The following PDE4D variants were observed in gnomAD, a reference collection of about 807,000 sequenced individuals.
PDE4D encodes the protein 3',5'-cyclic-AMP phosphodiesterase 4D.
Under a neutral mutation model 87.4 loss-of-function variants are expected in PDE4D, and 24 were observed. That is an observed-to-expected ratio of 0.27 (90% CI 0.20 to 0.39). The LOEUF (loss-of-function observed/expected upper bound fraction) is 0.39, where lower values mean the gene tolerates loss of function less well. PDE4D is among the 10% of genes least tolerant of loss of function. The pLI, the probability that PDE4D is intolerant of heterozygous loss-of-function variation, is 1.00. For missense variants in PDE4D, 714 were observed against 1,041.0 expected (o/e 0.69, Z 4.32); for synonymous variants, 384 against 383.2 (o/e 1.00, Z -0.02).
Position 59,430,414 on chromosome 5 carries a change from C to A in PDE4D, c.456-214446G>T, listed in dbSNP as rs947999009. On this transcript the variant is annotated intron_variant, in intron 1 of 14. Transcript: ENST00000340635. ...CAGGTACTCACAGCTGCTTGGCAAA[C>A]TCATTATATCCAAAAGGCAAGAAGT... 5.7e-6 allele frequency: 7 copies of A among 1,231,036 alleles called. No homozygotes were observed. In the South Asian group the frequency reaches 2.1e-4, roughly 36 times the overall value. The allele number at this position is 1,231,036 out of a possible 1,614,324, so 76.3% of individuals were successfully genotyped here.
chr5:59,527,922 TC>T (rs1813453967), intron 1 of PDE4D, among the ~76,000 whole-genome samples: 1 of 152,218 alleles, frequency 6.6e-6, no homozygotes, highest in Non-Finnish European at 1.5e-5. Context: ...AGTTTTTTAT[TC>T]CTTAAAAGTC....
At chr5:60,114,373 G>T (rs916290579) in intron 2 of PDE4D, among the ~76,000 whole-genome samples, 1 of 152,014 alleles carries the variant, frequency 6.6e-6, no homozygotes, top group East Asian at 1.9e-4. Flanking sequence ...CTTGTAATTG[G>T]TCATTATGTG....
rs146677338 is a variant in PDE4D, at chr5:59,451,471, C to A, written c.456-235503G>T. Among the ~76,000 whole-genome samples the A allele has an allele frequency of 3.2e-4, 48 of 152,324 alleles. No individual in the cohort carries two copies. The East Asian group carries it at 9.1e-3, about 29-fold the overall frequency. On this transcript the variant is annotated intron_variant, in intron 1 of 14. Coordinates refer to ENST00000340635, the MANE Select transcript of PDE4D (RefSeq NM_001104631.2). ...CAGCGCACCTGACTCCTGGACAGCTCTCCCTGGGGATAACCGACATATACC... is the reference window on the plus strand; with the variant it reads ...CAGCGCACCTGACTCCTGGACAGCTATCCCTGGGGATAACCGACATATACC...
intron 1 of PDE4D, among the ~76,000 whole-genome samples, chr5:60,415,591 G>T (rs187583950): frequency 0.022 from 3,369 of 152,346 alleles, 134 homozygotes; most frequent in African/African-American, 0.076. Context: ...GAGGGGCTTA[G>T]CACCTGGGCC....
Position 59,341,263 on chromosome 5 carries a change from G to C in PDE4D, c.456-125295C>G, listed in dbSNP as rs547030089. 2.4e-3 allele frequency among the ~76,000 whole-genome samples: 360 copies of C among 152,210 alleles called. 3 individuals are homozygous for C. Among genetic ancestry groups the C allele is most frequent in the South Asian group, 0.015 (71 of 4,814 alleles). On this transcript the variant is annotated intron_variant, in intron 1 of 14. Transcript: ENST00000340635. ...TCAGAGTTATTACATTTGCAAGGGA[G>C]GGTAGAGAATAATGAAATTATATTG...
intron 1 of PDE4D, among the ~76,000 whole-genome samples, chr5:59,622,020 T>G (rs1561344384): frequency 6.6e-6 from 1 of 152,334 alleles, no homozygotes; most frequent in Non-Finnish European, 1.5e-5. Context: ...TTACAAGTAT[T>G]GCCTCTTTTT....
rs548231240 is a variant in PDE4D at position 59,753,516 on chromosome 5, T to C, written c.455+139652A>G. On this transcript the variant is annotated intron_variant, in intron 1 of 14. Transcript: ENST00000340635. The stretch of plus-strand genomic sequence containing the variant: ...AATGTCCAGAGGAGGCATATGGAAC[T>C]TGAGCCTGGGAAATGAGGTTTAAGA... Among the ~76,000 whole-genome samples, 21 of 152,266 alleles carry C rather than the reference T, an allele frequency of 1.4e-4. 1 individual carries two copies. In the South Asian group the frequency reaches 4.4e-3, roughly 32 times the overall value.
intron 1 of PDE4D, among the ~76,000 whole-genome samples, chr5:60,318,980 G>A (rs1472234772): frequency 2.0e-5 from 3 of 152,146 alleles, no homozygotes; most frequent in Non-Finnish European, 2.9e-5. Flanking sequence ...TGCACTTCTT[G>A]AGGAGTATCT....
At chr5:60,169,113 T>C (rs1783184451) in intron 2 of PDE4D, among the ~76,000 whole-genome samples, 1 of 152,090 alleles carries the variant, frequency 6.6e-6, no homozygotes, top group Non-Finnish European at 1.5e-5. Context: ...CATGGAGAAT[T>C]ATTAATCTCC....
chr5:59,762,611 TACATATGTGTATATGTGTATATGGGTAC>T (rs1561617488), intron 1 of PDE4D, among the ~76,000 whole-genome samples: 23 of 140,632 alleles, frequency 1.6e-4, no homozygotes, highest in African/African-American at 4.8e-4. Flanking sequence ...TGTATATAGG[TACATATGTGTATATGTGTATATGGGTAC>T]ACATATGTGT....
At position 60,046,680 on chromosome 5, in the gene PDE4D, C is replaced by T. The variant is rs1051524405; in HGVS notation, c.43-57963G>A. ...ATGCTGGATTACATTTATTGATTTG[C>T]GTATATTGAACCAGCCTTGCATCCC... On this transcript the variant is annotated intron_variant, in intron 2 of 16. Transcript: ENST00000502484. Among the ~76,000 whole-genome samples, 228 of 152,078 alleles carry T rather than the reference C, an allele frequency of 1.5e-3. 1 individual carries two copies. Among genetic ancestry groups the T allele is most frequent in the Middle Eastern group, 3.4e-3 (1 of 294 alleles).
chr5:59,334,265 T>G (rs1777267222), intron 1 of PDE4D, among the ~76,000 whole-genome samples: 2 of 144,206 alleles, frequency 1.4e-5, no homozygotes, highest in East Asian at 2.0e-4. Context: ...TTTTTTTTTT[T>G]TTTTTTTTTT....
intron 1 of PDE4D, among the ~76,000 whole-genome samples, chr5:59,872,022 C>T (rs912913857): frequency 6.6e-6 from 1 of 152,116 alleles, no homozygotes. Context: ...AGATTCCCCA[C>T]CTCAACTCCA....
At chr5:59,850,795 C>T (rs1022945050) in intron 1 of PDE4D, among the ~76,000 whole-genome samples, 3 of 151,932 alleles carry the variant, frequency 2.0e-5, no homozygotes, top group Non-Finnish European at 2.9e-5. Context: ...ATAAAGCTAC[C>T]GCAGAGGTCC....
At chr5:59,199,402 T>C (rs973531335) in intron 2 of PDE4D, among the ~76,000 whole-genome samples, 1 of 152,112 alleles carries the variant, frequency 6.6e-6, no homozygotes, top group African/African-American at 2.4e-5. Context: ...GAATGGAATC[T>C]TGTGCAAACT....
intron 1 of PDE4D, among the ~76,000 whole-genome samples, chr5:59,871,533 T>C (rs187153360): frequency 6.2e-4 from 94 of 152,260 alleles, no homozygotes; most frequent in African/African-American, 1.9e-3. Flanking sequence ...CAATAGAAAA[T>C]AATATAATGA....
chr5:59,204,280 G>A (rs1027200556), intron 2 of PDE4D, among the ~76,000 whole-genome samples: 3 of 151,616 alleles, frequency 2.0e-5, no homozygotes, highest in Admixed American at 6.6e-5. Context: ...AGGCACTGAT[G>A]ATAAAGCAGA....
chr5:60,291,924 A>T (rs1752932644), intron 1 of PDE4D, among the ~76,000 whole-genome samples: 1 of 152,190 alleles, frequency 6.6e-6, no homozygotes, highest in Non-Finnish European at 1.5e-5. Flanking sequence ...ACAATAAAAG[A>T]ATGGTTAAGT....
At chr5:59,179,207 A>G (rs893794021) in intron 5 of PDE4D, among the ~76,000 whole-genome samples, 3 of 152,094 alleles carry the variant, frequency 2.0e-5, no homozygotes, top group African/African-American at 7.2e-5. Flanking sequence ...CCTGGGTTCA[A>G]GCGATTCTCC....
Sources: allele counts gnomAD v4.1 joint callset (sites outside exome capture counted in the v4.1 genomes callset), GRCh38; gene constraint gnomAD v4.1.1; transcripts MANE v1.5; gene names NCBI Gene and HGNC (gene_info 2026-07-23, HGNC 2026-07-21).